BTBD10: variants seen among roughly 807,000 people sequenced by gnomAD.
BTBD10 encodes BTB domain containing 10.
A neutral mutation model predicts 53.2 loss-of-function variants in BTBD10; 21 were observed. The ratio of observed to expected loss-of-function variants is 0.39; its 90% CI spans 0.28 to 0.57. The LOEUF (loss-of-function observed/expected upper bound fraction) is 0.57, where lower values mean the gene tolerates loss of function less well. BTBD10 is among the 20% of genes least tolerant of loss of function. The pLI, the probability that BTBD10 is intolerant of heterozygous loss-of-function variation, is 0.53. For synonymous variants in BTBD10, 149 were observed against 192.7 expected, an observed-to-expected ratio of 0.77 and a Z score of 1.88; for missense variants, 360 against 594.7, an observed-to-expected ratio of 0.61 and a Z score of 4.10.
At chr11:13,433,463 T>A (rs72857030) in intron 2 of BTBD10, among the ~76,000 whole-genome samples, 16,394 of 152,076 alleles carry the variant, frequency 0.11, 976 homozygotes, top group Middle Eastern at 0.15. Flanking sequence ...ATTAGCTGAT[T>A]TTTTTACTAT....
At chr11:13,442,827 G>A (rs1591162542) in intron 2 of BTBD10, among the ~76,000 whole-genome samples, 1 of 151,904 alleles carries the variant, frequency 6.6e-6, no homozygotes, top group Non-Finnish European at 1.5e-5. Flanking sequence ...AATTTACTAT[G>A]AATTCAAAAA....
intron 7 of BTBD10, among the ~76,000 whole-genome samples, chr11:13,403,648 T>G (rs916139126): frequency 6.6e-6 from 1 of 152,202 alleles, no homozygotes; most frequent in African/African-American, 2.4e-5. Context: ...TAAAGGACTT[T>G]GCTAAGATGT....
chr11:13,427,200 G>A (rs1462694631), intron 2 of BTBD10, among the ~76,000 whole-genome samples: 1 of 151,168 alleles, frequency 6.6e-6, no homozygotes, highest in Non-Finnish European at 1.5e-5. Context: ...CTGGGCAACA[G>A]AGGGAGACCC....
At chr11:13,432,937 A>T (rs1591148283) in intron 2 of BTBD10, among the ~76,000 whole-genome samples, 1 of 152,142 alleles carries the variant, frequency 6.6e-6, no homozygotes, top group East Asian at 1.9e-4. Context: ...TATAAGAAAA[A>T]TTTCCAGAAG....
chr11:13,445,779 T>A (rs1950740236), intron 1 of BTBD10, among the ~76,000 whole-genome samples: 1 of 152,162 alleles, frequency 6.6e-6, no homozygotes, highest in Non-Finnish European at 1.5e-5. Flanking sequence ...TTATGCCTTT[T>A]CACATGTGAG....
chr11:13,425,938 G>C (rs1007247435), intron 2 of BTBD10, among the ~76,000 whole-genome samples: 1 of 152,028 alleles, frequency 6.6e-6, no homozygotes, highest in Non-Finnish European at 1.5e-5. Flanking sequence ...ACACATTATA[G>C]AAGAAATGAT....
chr11:13,403,739 G>A (rs1949760223), intron 7 of BTBD10, among the ~76,000 whole-genome samples: 1 of 152,168 alleles, frequency 6.6e-6, no homozygotes, highest in Admixed American at 6.5e-5. Context: ...CATGGATTGA[G>A]CAACTATTAA....
intron 1 of BTBD10, among the ~76,000 whole-genome samples, chr11:13,451,044 A>T (rs1591171579): frequency 6.6e-6 from 1 of 152,142 alleles, no homozygotes; most frequent in African/African-American, 2.4e-5. Flanking sequence ...GGCAGAGAAA[A>T]CCTCAGAGCT....
intron 5 of BTBD10, among the ~76,000 whole-genome samples, chr11:13,414,700 C>T (rs56198700): frequency 1.3e-5 from 2 of 149,430 alleles, no homozygotes; most frequent in Non-Finnish European, 3.0e-5. Context: ...ATTAGCCAGG[C>T]GTGGTGGTGC....
At position 13,403,222 on chromosome 11, in the gene BTBD10, C is replaced by T; in HGVS notation, c.1063G>A (p.Ala355Thr). Reference protein sequence around the residue: ...FFKYIENRDVAKSVLKERGLK... With the variant: ...FFKYIENRDVTKSVLKERGLK... ...CCCCTCTCCTTCAAAACTGACTTGGCCACATCTCTGTTTTCAATATACTTG... is the reference window on the plus strand; with the variant it reads ...CCCCTCTCCTTCAAAACTGACTTGGTCACATCTCTGTTTTCAATATACTTG... The change falls in exon 8 of 9, where the codon GCC becomes ACC. Residue 355 changes from alanine (A) to threonine (T), a missense_variant. Ala to Thr is a moderately conservative substitution (Grantham distance 58). This residue lies in a region of BTBD10 where 52 missense variants were observed against 180.4 expected (regional missense o/e 0.29). Transcript: ENST00000278174. The T allele has an allele frequency of 6.4e-7, 1 of 1,555,298 alleles. No homozygotes were observed. The highest frequency in any genetic ancestry group is 2.4e-5 in the East Asian group (1 of 41,556).
rs1329594136 is a variant in BTBD10 at position 13,394,677 on chromosome 11, C to G, written c.1118-5536G>C. On this transcript the variant is annotated intron_variant, in intron 8 of 8. Transcript: ENST00000278174. ...CGTCATTTAGCATTAGCTATATCTCCTAATGCTATCCCTCCGCCCTCCCCC... is the reference window on the plus strand; with the variant it reads ...CGTCATTTAGCATTAGCTATATCTCGTAATGCTATCCCTCCGCCCTCCCCC... Among the ~76,000 whole-genome samples, 4 of 151,802 alleles carry G rather than the reference C, an allele frequency of 2.6e-5. No individual in the cohort carries two copies. The South Asian group carries it at 6.3e-4, about 24-fold the overall frequency.
intron 2 of BTBD10, among the ~76,000 whole-genome samples, chr11:13,441,450 AAAG>A (rs1950648710): frequency 6.6e-6 from 1 of 152,118 alleles, no homozygotes; most frequent in South Asian, 2.1e-4. Context: ...TCTTTTGAAA[AAAG>A]AAGGAAAATG....
chr11:13,413,416 T>C (rs1950010866), intron 6 of BTBD10, 114 bp downstream of exon 6: 1 of 891,588 alleles, frequency 1.1e-6, no homozygotes, highest in African/African-American at 1.7e-5. Flanking sequence ...TAGAATGCTT[T>C]ATAATTGAAT....
intron 2 of BTBD10, among the ~76,000 whole-genome samples, chr11:13,425,330 T>G (rs1471723638): frequency 2.0e-5 from 3 of 152,152 alleles, no homozygotes; most frequent in Non-Finnish European, 4.4e-5. Flanking sequence ...CCACACTGTT[T>G]CCCTATAGCT....
At chr11:13,420,017 A>C (rs1422212180) in intron 3 of BTBD10, among the ~76,000 whole-genome samples, 1 of 152,182 alleles carries the variant, frequency 6.6e-6, no homozygotes, top group Non-Finnish European at 1.5e-5. Flanking sequence ...ACTAACATCA[A>C]GACTAAGGAA....
intron 3 of BTBD10, among the ~76,000 whole-genome samples, chr11:13,420,003 C>G (rs1346089794): frequency 6.6e-6 from 1 of 151,922 alleles, no homozygotes; most frequent in East Asian, 1.9e-4. Flanking sequence ...TAATGCTAAC[C>G]CAAACTAACA....
chr11:13,411,667 G>A (rs1475412682), intron 6 of BTBD10, among the ~76,000 whole-genome samples: 2 of 152,030 alleles, frequency 1.3e-5, no homozygotes, highest in Non-Finnish European at 2.9e-5. Context: ...ACAAAAGATT[G>A]CAGAACTAAG....
intron 6 of BTBD10, among the ~76,000 whole-genome samples, chr11:13,406,815 TTAGA>T (rs1949843542): frequency 6.6e-6 from 1 of 151,200 alleles, no homozygotes; most frequent in South Asian, 2.1e-4. Flanking sequence ...ATATAATTGA[TTAGA>T]TAATTAAATA....
At chr11:13,396,513 C>T (rs1240130435) in intron 8 of BTBD10, among the ~76,000 whole-genome samples, 3 of 152,192 alleles carry the variant, frequency 2.0e-5, no homozygotes, top group Non-Finnish European at 4.4e-5. Context: ...TCCTCTTTTC[C>T]TAACTGAATA....
Sources: gnomAD v4.1 joint callset for allele counts (sites outside exome capture counted in the v4.1 genomes callset) on GRCh38, gnomAD v4.1.1 for gene constraint, gnomAD v4.1.1 regional missense constraint, MANE v1.5 for transcripts, NCBI Gene and HGNC (gene_info 2026-07-23, HGNC 2026-07-21) for gene names.